KALRN: variants seen among roughly 807,000 people sequenced by gnomAD.
KALRN encodes the protein kalirin.
A neutral mutation model predicts 353.7 loss-of-function variants in KALRN; 70 were observed. The ratio of observed to expected loss-of-function variants is 0.20; its 90% CI spans 0.16 to 0.24. The LOEUF is 0.24. Ranked by LOEUF, KALRN falls within the 10% of genes least tolerant of loss-of-function variation. The pLI is 1.00. For missense variants in KALRN, 2,791 were observed against 3,756.7 expected (o/e 0.74, Z 6.72); for synonymous variants, 1,391 against 1,434.8 (o/e 0.97, Z 0.69).
intron 1 of KALRN, among the ~76,000 whole-genome samples, chr3:124,170,010 T>C (rs2071505340): frequency 6.6e-6 from 1 of 152,188 alleles, no homozygotes; most frequent in African/African-American, 2.4e-5. Flanking sequence ...GCTGGCTTGG[T>C]TGAAACTCAA....
rs1559792639 is a variant in KALRN, at chr3:124,660,929, C to T, written c.6223C>T (p.Leu2075=). 5 of 1,610,012 alleles carry T rather than the reference C, an allele frequency of 3.1e-6. No homozygotes were observed. In the Admixed American group the frequency reaches 8.3e-5, roughly 27 times the overall value. The stretch of plus-strand genomic sequence containing the variant: ...TGCTTCCCCTACTTGTTAGGACTTC[C>T]TGAGATACAGTGAGAAGGCTGGTTT... The part of the protein sequence containing the change: ...TKYQLLLKDF[L]RYSEKAGLEC... The change falls in exon 44 of 60, where the codon CTG becomes TTG. Residue 2075 remains leucine, a synonymous_variant. Coordinates refer to ENST00000682506, the MANE Select transcript of KALRN (RefSeq NM_001388419.1).
intron 55 of KALRN, among the ~76,000 whole-genome samples, chr3:124,697,943 T>C (rs2062132155): frequency 1.3e-5 from 2 of 152,046 alleles, no homozygotes; most frequent in South Asian, 2.1e-4. Context: ...ATTACAGGCA[T>C]GAGCCACTTT....
chr3:124,506,700 T>C (rs1467231407), intron 33 of KALRN, among the ~76,000 whole-genome samples: 1 of 151,820 alleles, frequency 6.6e-6, no homozygotes, highest in Admixed American at 6.6e-5. Flanking sequence ...CCAGGCTCTA[T>C]TTTTTTTACT....
At chr3:124,373,361 A>T (rs1181057316) in intron 10 of KALRN, among the ~76,000 whole-genome samples, 1 of 152,146 alleles carries the variant, frequency 6.6e-6, no homozygotes, top group Non-Finnish European at 1.5e-5. Flanking sequence ...AGAGGTTGCT[A>T]TTGGCATCCT....
At chr3:124,455,486 C>T (rs1334284633) in intron 22 of KALRN, 127 bp downstream of exon 22, 3 of 946,322 alleles carry the variant, frequency 3.2e-6, no homozygotes, top group East Asian at 5.3e-5. Context: ...TCCTAGAGCG[C>T]TTGACTTGTG....
At chr3:124,241,471 G>T (rs1418281153) in intron 3 of KALRN, among the ~76,000 whole-genome samples, 3 of 152,090 alleles carry the variant, frequency 2.0e-5, no homozygotes, top group African/African-American at 7.2e-5. Flanking sequence ...GTTTCTCTTA[G>T]CTAACTGAAA....
chr3:124,273,467 T>C (rs2074378103), intron 5 of KALRN, among the ~76,000 whole-genome samples: 1 of 152,148 alleles, frequency 6.6e-6, no homozygotes, highest in Non-Finnish European at 1.5e-5. Flanking sequence ...TAAAAGCAGG[T>C]TTATTGAGGT....
In KALRN at chr3:124,679,442, C is replaced by T; in HGVS notation, c.7318-16C>T. The T allele has an allele frequency of 2.5e-6, 4 of 1,611,068 alleles. No individual in the cohort carries two copies. Among genetic ancestry groups the T allele is most frequent in the Non-Finnish European group, 3.4e-6 (4 of 1,177,460 alleles). Reference sequence around the variant, plus strand: ...TGTGTTCTCTTTCTTCCCCCTTCCTCATGCTGCCAATCAAGGAGACGAACA... The same window carrying T: ...TGTGTTCTCTTTCTTCCCCCTTCCTTATGCTGCCAATCAAGGAGACGAACA... On this transcript the variant is annotated splice_polypyrimidine_tract_variant and intron_variant, in intron 50 of 59. Coordinates refer to ENST00000682506, the MANE Select transcript of KALRN (RefSeq NM_001388419.1).
chr3:124,088,647 G>A (rs979950702), intron 1 of KALRN, among the ~76,000 whole-genome samples: 3 of 152,106 alleles, frequency 2.0e-5, no homozygotes, highest in Admixed American at 2.0e-4. Flanking sequence ...CAAGTTTTAT[G>A]GGATTAGTCT....
chr3:124,151,759 T>A (rs2068136109), intron 1 of KALRN, among the ~76,000 whole-genome samples: 1 of 152,238 alleles, frequency 6.6e-6, no homozygotes, highest in African/African-American at 2.4e-5. Flanking sequence ...TGTGTCCTGT[T>A]TAAGAAATTT....
chr3:124,347,274 C>CTCTG lies in KALRN; in HGVS notation c.1770+10_1770+11insCTGT. On this transcript the variant is annotated intron_variant, in intron 10 of 59. Transcript: ENST00000682506. Reference sequence around the variant, plus strand: ...TTGAAGAGGTGGCTCAGGTGAGAAGCTGTGTGTGTGTGTGTGTGTGTGTGT... The same window carrying CTCTG: ...TTGAAGAGGTGGCTCAGGTGAGAAGCTCTGTGTGTGTGTGTGTGTGTGTGTGTGT... The CTCTG allele has an allele frequency of 8.7e-7, 1 of 1,153,314 alleles. No homozygotes were observed. The highest frequency in any genetic ancestry group is 1.1e-6 in the Non-Finnish European group (1 of 878,880). 71.4% of individuals were successfully genotyped at this position (1,153,314 alleles called of 1,614,324 possible).
chr3:124,033,671 C>G lies in KALRN; in HGVS notation c.-70C>G, dbSNP rs1428155752. On this transcript the variant is annotated 5_prime_UTR_variant, in exon 1 of 60. Transcript: ENST00000682506. This position sits in a 1 kb window ranked among gnomAD's most constrained non-coding sequence, Gnocchi z 6.2. ...GCTGCGCCCCGCGCCCTCCGCCCAC[C>G]GGGCGCCGAGCAGCCCTCGGCCCCA... Among the ~76,000 whole-genome samples, 1 of 151,634 alleles carries G rather than the reference C, an allele frequency of 6.6e-6. No individual in the cohort carries two copies.
At chr3:124,554,566 T>A (rs1159936589) in intron 33 of KALRN, among the ~76,000 whole-genome samples, 1 of 152,236 alleles carries the variant, frequency 6.6e-6, no homozygotes, top group Non-Finnish European at 1.5e-5. Flanking sequence ...GGATACAATA[T>A]CCTCTCTTAT....
chr3:124,548,312 T>C (rs934469635), intron 33 of KALRN, among the ~76,000 whole-genome samples: 4 of 152,208 alleles, frequency 2.6e-5, no homozygotes, highest in African/African-American at 9.7e-5. Flanking sequence ...TAAAGGAGGA[T>C]AAAATTGCCC....
chr3:124,161,519 C>G (rs1008204144), intron 1 of KALRN, among the ~76,000 whole-genome samples: 11 of 152,198 alleles, frequency 7.2e-5, no homozygotes, highest in Non-Finnish European at 1.3e-4. Flanking sequence ...TTCTTTGTTT[C>G]TCAATTTACT....
At chr3:124,698,519 T>A (rs1355132853) in intron 55 of KALRN, among the ~76,000 whole-genome samples, 1 of 152,204 alleles carries the variant, frequency 6.6e-6, no homozygotes, top group Admixed American at 6.5e-5. Flanking sequence ...TCTTCATGCA[T>A]GTATCCCTAC....
At chr3:124,235,010 G>A in intron 3 of KALRN, 67 bp downstream of exon 3, 1 of 1,139,942 alleles carries the variant, frequency 8.8e-7, no homozygotes, top group Non-Finnish European at 1.3e-6. Context: ...GTTTTGGAAG[G>A]AGCCTCCATC....
chr3:124,203,766 G>C (rs1273782719), intron 1 of KALRN, among the ~76,000 whole-genome samples: 1 of 152,164 alleles, frequency 6.6e-6, no homozygotes, highest in Non-Finnish European at 1.5e-5. Flanking sequence ...GAGACATTAA[G>C]TAATTGCCCT....
chr3:124,413,795 C>T, intron 14 of KALRN, 130 bp downstream of exon 14: 2 of 810,058 alleles, frequency 2.5e-6, no homozygotes, highest in South Asian at 4.3e-5. Flanking sequence ...AGATTTTTAC[C>T]CACATTTTTT....
Sources: gnomAD v4.1 joint callset for allele counts (sites outside exome capture counted in the v4.1 genomes callset) on GRCh38, gnomAD v4.1.1 for gene constraint, Gnocchi (gnomAD v3.1) non-coding constraint, MANE v1.5 for transcripts, NCBI Gene and HGNC (gene_info 2026-07-23, HGNC 2026-07-21) for gene names.